The following TAF5 variants were observed in gnomAD, a reference collection of about 807,000 sequenced individuals.
TAF5 encodes TATA-box binding protein associated factor 5, also known as transcription initiation factor TFIID subunit 5.
A neutral mutation model predicts 80.9 loss-of-function variants in TAF5; 20 were observed. The observed-to-expected ratio is 0.25, with a 90% CI of 0.17 to 0.36. The LOEUF is 0.36. Ranked by LOEUF, TAF5 falls within the 10% of genes least tolerant of loss-of-function variation. The pLI, the probability that TAF5 is intolerant of heterozygous loss-of-function variation, is 1.00. For synonymous variants in TAF5, 388 were observed against 406.4 expected (o/e 0.95, Z 0.55); for missense variants, 863 against 1,029.4 (o/e 0.84, Z 2.21).
At chr10:103,373,971 A>G (rs551140361) in intron 2 of TAF5, among the ~76,000 whole-genome samples, 9 of 152,202 alleles carry the variant, frequency 5.9e-5, no homozygotes, top group Admixed American at 5.9e-4. Context: ...GTGGTATACT[A>G]TGAAGCTGGG....
At position 103,388,357 on chromosome 10, in the gene TAF5, A is replaced by G. The variant is rs989477956; in HGVS notation, c.*134A>G. 2 of 778,366 alleles carry G rather than the reference A, an allele frequency of 2.6e-6. No homozygotes were observed. The highest frequency in any genetic ancestry group is 4.0e-6 in the Non-Finnish European group (2 of 497,834). The allele number at this position is 778,366 out of a possible 1,614,324, so 48.2% of individuals were successfully genotyped here. ...TGGATCTGGAAGTATGCTGCTTGGA[A>G]AAATCTGAACAGGACAGTTCCACGT... On this transcript the variant is annotated 3_prime_UTR_variant, in exon 11 of 11. Transcript: ENST00000369839.
chr10:103,385,437 A>G lies in TAF5; in HGVS notation c.1776A>G (p.Gln592=), dbSNP rs770043900. ...ACAACTATCCAGTATGGGACACACA[A>G]TTTTCTCCATATGGATATTATTTTG... ...KGHNYPVWDT[Q]FSPYGYYFVS... is the part of the protein sequence containing the mutation. The change falls in exon 8 of 11, where the codon CAA becomes CAG. Residue 592 remains glutamine (Q), a synonymous_variant. Transcript: ENST00000369839. 2.7e-5 allele frequency: 43 copies of G among 1,613,748 alleles called. 1 individual carries two copies. The South Asian group carries it at 4.2e-4, about 16-fold the overall frequency.
intron 1 of TAF5, 60 bp from the exon 2 acceptor site, chr10:103,373,298 A>C: frequency 7.2e-7 from 1 of 1,386,952 alleles, no homozygotes; most frequent in Non-Finnish European, 1.0e-6. Context: ...TTAACAATAC[A>C]GCCATAGTCA....
chr10:103,385,557 C>T (rs750235601), intron 8 of TAF5, 67 bp downstream of exon 8: 82 of 1,503,866 alleles, frequency 5.5e-5, no homozygotes, highest in Non-Finnish European at 7.1e-5. Context: ...TTGGGAATTA[C>T]ACAGCCAGCC....
chr10:103,372,292 A>C (rs926425924), intron 1 of TAF5, among the ~76,000 whole-genome samples: 4 of 150,986 alleles, frequency 2.6e-5, no homozygotes, highest in African/African-American at 9.7e-5. Flanking sequence ...GTGATGAAAC[A>C]AGTGAAAAAA....
intron 7 of TAF5, 46 bp from the exon 8 acceptor site, chr10:103,385,280 C>A: frequency 1.3e-6 from 2 of 1,550,036 alleles, no homozygotes; most frequent in African/African-American, 1.4e-5. Context: ...GGCAGGTGAC[C>A]AAAGGTTACT....
rs1485417949 is a variant in TAF5 at position 103,388,427 on chromosome 10, A to G, written c.*204A>G. 4 of 504,172 alleles carry G rather than the reference A, an allele frequency of 7.9e-6. No homozygotes were observed. The highest frequency in any genetic ancestry group is 1.4e-5 in the Non-Finnish European group (4 of 283,700). The allele number at this position is 504,172 out of a possible 1,614,324, so 31.2% of individuals were successfully genotyped here. A position where few individuals can be genotyped will look rare whatever the true frequency, so the allele number is the denominator to read the frequency against. ...GACTAATTTCCGTTAGTTGAATAAG[A>G]GGTATTATGATCATGGAGGGGACAT... On this transcript the variant is annotated 3_prime_UTR_variant, in exon 11 of 11. Coordinates refer to ENST00000369839, the MANE Select transcript of TAF5 (RefSeq NM_006951.5).
Position 103,387,532 on chromosome 10 carries a change from T to A in TAF5, c.2019T>A (p.His673Gln), listed in dbSNP as rs367867892. The A allele has an allele frequency of 2.1e-5, 34 of 1,613,028 alleles. No individual in the cohort carries two copies. Among genetic ancestry groups the A allele is most frequent in the Non-Finnish European group, 2.9e-5 (34 of 1,179,682 alleles). ...RIFTGHKGPIHSLTFSPNGRF... is the reference protein window; with the variant it reads ...RIFTGHKGPIQSLTFSPNGRF... ...GAACTTTTTTCTAGGGACCAATTCA[T>A]TCCTTGACATTTTCTCCCAATGGGA... Residue 673 changes from histidine to glutamine, a missense_variant, in exon 10 of 11, where the codon CAT becomes CAA. By Grantham distance (24) the His-to-Gln change is conservative (BLOSUM62 0). Coordinates refer to ENST00000369839, the MANE Select transcript of TAF5 (RefSeq NM_006951.5).
Position 103,378,588 on chromosome 10 carries a change from A to G in TAF5, c.1113+38A>G, listed in dbSNP as rs1391597239. 1.3e-6 allele frequency: 2 copies of G among 1,547,024 alleles called. No individual in the cohort carries two copies. ...ACCTAAGAACTCTATAATGCAGATT[A>G]TGAAAAATTGTAGCATTTCCATCTA... On this transcript the variant is annotated intron_variant, in intron 3 of 10. Coordinates refer to ENST00000369839, the MANE Select transcript of TAF5 (RefSeq NM_006951.5). The surrounding 1 kb of genome is among the most constrained non-coding windows in gnomAD (Gnocchi z 4.1).
At chr10:103,380,867 C>T (rs574234281) in intron 5 of TAF5, among the ~76,000 whole-genome samples, 6 of 150,932 alleles carry the variant, frequency 4.0e-5, no homozygotes, top group African/African-American at 1.2e-4. Context: ...GTGATCTGGC[C>T]GCCTCAGCCT....
intron 6 of TAF5, 80 bp downstream of exon 6, chr10:103,381,921 T>C (rs1040857807): frequency 9.7e-6 from 15 of 1,542,542 alleles, no homozygotes; most frequent in Non-Finnish European, 1.3e-5. Flanking sequence ...ACACAGGAGA[T>C]TGTGTTCTTT....
At chr10:103,387,071 C>A in intron 8 of TAF5, 104 bp from the exon 9 acceptor site, 1 of 940,698 alleles carries the variant, frequency 1.1e-6, no homozygotes, top group Non-Finnish European at 1.5e-6. Flanking sequence ...CCACTCAGAA[C>A]TAACTTTTTA....
At chr10:103,379,484 A>G in intron 3 of TAF5, 124 bp from the exon 4 acceptor site, 1 of 907,560 alleles carries the variant, frequency 1.1e-6, no homozygotes, top group Non-Finnish European at 1.6e-6. Flanking sequence ...TGGGTAGACA[A>G]ATACAGAACC....
At chr10:103,370,495 T>G (rs2093357008) in intron 1 of TAF5, among the ~76,000 whole-genome samples, 1 of 151,406 alleles carries the variant, frequency 6.6e-6, no homozygotes, top group Admixed American at 6.6e-5. Context: ...CTGGCTAATT[T>G]TTTTTGTATT....
Position 103,373,372 on chromosome 10 carries a change from G to C in TAF5, c.574G>C (p.Val192Leu). The change falls in exon 2 of 11, where the codon GTG becomes CTG. Residue 192 changes from valine (V) to leucine (L), a missense_variant. Transcript: ENST00000369839. Reference sequence around the variant, plus strand: ...TTTTTAAATAGTTGGAAGTGTTGCTGTGGAAGACCAGCCAGATGTCAGTGC... The same window carrying C: ...TTTTTAAATAGTTGGAAGTGTTGCTCTGGAAGACCAGCCAGATGTCAGTGC... ...AAPGKVGSVAVEDQPDVSAVL... is the reference protein window; with the variant it reads ...AAPGKVGSVALEDQPDVSAVL... 1 of 1,613,892 alleles carries C rather than the reference G, an allele frequency of 6.2e-7. No homozygotes were observed. The highest frequency in any genetic ancestry group is 8.5e-7 in the Non-Finnish European group (1 of 1,179,952).
intron 5 of TAF5, 112 bp from the exon 6 acceptor site, chr10:103,381,609 T>C: frequency 2.4e-6 from 3 of 1,234,350 alleles, no homozygotes; most frequent in Non-Finnish European, 1.1e-6. Flanking sequence ...ATATATTCCT[T>C]AAAATAGAGG....
intron 1 of TAF5, 62 bp downstream of exon 1, chr10:103,368,610 G>A: frequency 7.0e-7 from 1 of 1,434,896 alleles, no homozygotes; most frequent in Non-Finnish European, 9.1e-7. Flanking sequence ...GGTAAGGCAG[G>A]GGCTGGCAGG....
intron 10 of TAF5, 114 bp from the exon 11 acceptor site, chr10:103,387,892 G>A (rs559400760): frequency 3.3e-5 from 39 of 1,168,776 alleles, no homozygotes; most frequent in Middle Eastern, 4.0e-4. Flanking sequence ...AGAGTTATTG[G>A]TCAAGTTTAG....
At position 103,387,667 on chromosome 10, in the gene TAF5, G is replaced by A. The variant is rs201770967; in HGVS notation, c.2154G>A (p.Arg718=). Residue 718 remains arginine (R), a synonymous_variant, in exon 10 of 11, where the codon AGG becomes AGA. Transcript: ENST00000369839. ...KGHTDTVCSL[R]FSRDGEILAS... is the part of the protein sequence containing the mutation. ...ACACTGATACAGTCTGTTCACTTAG[G>A]TTTAGTAGAGATGGTGAAATTTTGG... 1.2e-6 allele frequency: 2 copies of A among 1,611,910 alleles called. No homozygotes were observed. Among genetic ancestry groups the A allele is most frequent in the East Asian group, 2.2e-5 (1 of 44,870 alleles).
Sources: allele counts gnomAD v4.1 joint callset (sites outside exome capture counted in the v4.1 genomes callset), GRCh38; gene constraint gnomAD v4.1.1; non-coding constraint Gnocchi (gnomAD v3.1); transcripts MANE v1.5; gene names NCBI Gene and HGNC (gene_info 2026-07-23, HGNC 2026-07-21).